PLXNA1: variants seen among roughly 807,000 people sequenced by gnomAD.
PLXNA1 encodes the protein plexin A1.
In PLXNA1, 77 loss-of-function variants were observed where a neutral mutation model predicts 191.7. That is an observed-to-expected ratio of 0.40 (90% CI 0.33 to 0.49). The LOEUF (loss-of-function observed/expected upper bound fraction) is 0.49. Ranked by LOEUF, PLXNA1 falls within the 20% of genes least tolerant of loss-of-function variation. The pLI, the probability that PLXNA1 is intolerant of heterozygous loss-of-function variation, is 0.63. For missense variants in PLXNA1, 2,110 were observed against 2,660.2 expected, an observed-to-expected ratio of 0.79 and a Z score of 4.55; for synonymous variants, 1,137 against 1,156.4, an observed-to-expected ratio of 0.98 and a Z score of 0.34.
At chr3:127,022,936 C>A in intron 23 of PLXNA1, 118 bp downstream of exon 23, 1 of 929,946 alleles carries the variant, frequency 1.1e-6, no homozygotes, top group South Asian at 1.5e-5. Flanking sequence ...GGGTCTTGGT[C>A]GAGTTCTGGC....
At position 127,036,912 on chromosome 3, in the gene PLXNA1, T is replaced by A. The variant is rs1175320162; in HGVS notation, c.*2895T>A. 1 of 152,350 alleles carries A rather than the reference T, an allele frequency of 6.6e-6. No individual in the cohort carries two copies. Among genetic ancestry groups the A allele is most frequent in the Non-Finnish European group, 1.5e-5 (1 of 68,114 alleles). The allele number at this position is 152,350 out of a possible 1,614,324, so 9.4% of individuals were successfully genotyped here. ...TCGGCCTGGGAGCCTGGCCTCTTGATATACCTCGAGCTTCCCCTGTGCTCC... is the reference window on the plus strand; with the variant it reads ...TCGGCCTGGGAGCCTGGCCTCTTGAAATACCTCGAGCTTCCCCTGTGCTCC... On this transcript the variant is annotated 3_prime_UTR_variant, in exon 32 of 32. Coordinates refer to ENST00000393409, the MANE Select transcript of PLXNA1 (RefSeq NM_032242.4).
chr3:127,005,224 G>A lies in PLXNA1; in HGVS notation c.1878G>A (p.Ala626=), dbSNP rs184131664. 8.1e-6 allele frequency: 13 copies of A among 1,608,956 alleles called. No homozygotes were observed. Among genetic ancestry groups the A allele is most frequent in the African/African-American group, 6.7e-5 (5 of 74,994 alleles). The part of the protein sequence containing the change: ...HCRSPSAREV[A]PITRGQGDQR... ...GCTCACCCTCCGCCCGGGAGGTGGC[G>A]CCCATCACGCGGGGCCAGGGTGAGT... Residue 626 remains alanine, a synonymous_variant, in exon 7 of 32, where the codon GCG becomes GCA. Coordinates refer to ENST00000393409, the MANE Select transcript of PLXNA1 (RefSeq NM_032242.4).
chr3:127,014,558 C>T lies in PLXNA1; in HGVS notation c.2685C>T (p.Asp895=), dbSNP rs149860040. ...AGAACCTGGGCCTGCGATTCGAAGA[C>T]GTGCGTCTGGGCGTGCGCGTGGGCA... The part of the protein sequence containing the change: ...TGENLGLRFE[D]VRLGVRVGKV... Residue 895 remains aspartate (D), a synonymous_variant, in exon 13 of 32, where the codon GAC becomes GAT. Coordinates refer to ENST00000393409, the MANE Select transcript of PLXNA1 (RefSeq NM_032242.4). 5.6e-5 allele frequency: 91 copies of T among 1,612,492 alleles called. No individual in the cohort carries two copies. Among genetic ancestry groups the T allele is most frequent in the Admixed American group, 6.7e-5 (4 of 60,028 alleles).
intron 3 of PLXNA1, 86 bp downstream of exon 3, chr3:126,991,652 G>T: frequency 5.9e-6 from 8 of 1,355,106 alleles, no homozygotes; most frequent in Non-Finnish European, 7.9e-6. Flanking sequence ...GCCCAGTGCT[G>T]CTGTATGCTG....
chr3:127,001,463 G>C (rs573310175), intron 3 of PLXNA1, among the ~76,000 whole-genome samples: 101 of 152,338 alleles, frequency 6.6e-4, no homozygotes, highest in Middle Eastern at 3.4e-3. Flanking sequence ...CATATCCCCT[G>C]GTGCTGGTAG....
chr3:127,029,479 A>G lies in PLXNA1; in HGVS notation c.4813A>G (p.Thr1605Ala), dbSNP rs755002084. Residue 1605 changes from threonine (T) to alanine (A), a missense_variant, in exon 27 of 32, where the codon ACG becomes GCG. Thr to Ala is a moderately conservative substitution (Grantham distance 58). This residue lies in a region of PLXNA1 where 559 missense variants were observed against 911.5 expected (regional missense o/e 0.61). Coordinates refer to ENST00000393409, the MANE Select transcript of PLXNA1 (RefSeq NM_032242.4). Reference protein sequence around the residue: ...GSSVALVPKQTSAYNISNSST... With the variant: ...GSSVALVPKQASAYNISNSST... ...CTCGGTGGCACTGGTGCCCAAGCAG[A>G]CGTCCGCCTACAACATCTCCAACTC... The G allele has an allele frequency of 6.2e-7, 1 of 1,613,878 alleles. No individual in the cohort carries two copies. Among genetic ancestry groups the G allele is most frequent in the South Asian group, 1.1e-5 (1 of 91,086 alleles).
In PLXNA1 at chr3:127,006,083, C is replaced by A. The variant is rs752051811; in HGVS notation, c.1902C>A (p.Asp634Glu). Residue 634 changes from aspartate (D) to glutamate (E), a missense_variant, in exon 8 of 32, where the codon GAC (aspartate) becomes GAA (glutamate). By Grantham distance (45) the Asp-to-Glu change is conservative. Around this residue, in one of 4 missense-constraint regions of PLXNA1, gnomAD observed 903 missense variants for 1,015.7 expected, o/e 0.89. Coordinates refer to ENST00000393409, the MANE Select transcript of PLXNA1 (RefSeq NM_032242.4). ...EVAPITRGQG[D>E]QRVVKLYLKS... ...TCAGCCATGCTGCTCGTGCAGGAGA[C>A]CAGCGGGTGGTGAAACTCTACCTAA... The A allele has an allele frequency of 6.2e-7, 1 of 1,612,832 alleles. No homozygotes were observed. Among genetic ancestry groups the A allele is most frequent in the Non-Finnish European group, 8.5e-7 (1 of 1,179,202 alleles).
intron 25 of PLXNA1, 129 bp downstream of exon 25, chr3:127,028,469 G>C: frequency 4.6e-6 from 5 of 1,078,012 alleles, no homozygotes; most frequent in Non-Finnish European, 6.5e-6. Flanking sequence ...GAGGGCAGTG[G>C]AATGGCGAGT....
chr3:127,006,950 G>A (rs1374573009), intron 8 of PLXNA1, among the ~76,000 whole-genome samples: 3 of 152,246 alleles, frequency 2.0e-5, no homozygotes, highest in Non-Finnish European at 2.9e-5. Flanking sequence ...CAGGAGGTGC[G>A]TGGCTTTTCA....
intron 25 of PLXNA1, chr3:127,028,681 C>A (rs1417368155): frequency 1.5e-5 from 8 of 524,888 alleles, no homozygotes; most frequent in Non-Finnish European, 3.4e-6. Flanking sequence ...GCCCGGAGTC[C>A]TGCTGCAGAT....
intron 23 of PLXNA1, among the ~76,000 whole-genome samples, chr3:127,024,895 T>G (rs2107636361): frequency 6.6e-6 from 1 of 152,294 alleles, no homozygotes; most frequent in South Asian, 2.1e-4. Context: ...TTTGTTTTTG[T>G]CTTTTTTAAG....
chr3:127,004,769 G>C, intron 5 of PLXNA1, 58 bp downstream of exon 5: 1 of 1,589,602 alleles, frequency 6.3e-7, no homozygotes, highest in Non-Finnish European at 8.6e-7. Flanking sequence ...TCTCACAGTG[G>C]GGGAGGGGGA....
intron 7 of PLXNA1, among the ~76,000 whole-genome samples, chr3:127,005,513 A>G (rs1342574451): frequency 1.3e-5 from 2 of 152,202 alleles, no homozygotes; most frequent in Non-Finnish European, 2.9e-5. Flanking sequence ...CCATACATTT[A>G]CAGTAGGAAT....
intron 3 of PLXNA1, among the ~76,000 whole-genome samples, chr3:127,000,378 C>T (rs1288851878): frequency 2.0e-5 from 3 of 152,096 alleles, no homozygotes; most frequent in Admixed American, 1.3e-4. Context: ...TGCCTCCAGG[C>T]GGGTGGCCCG....
chr3:127,020,454 G>C (rs957502490), intron 21 of PLXNA1, 110 bp downstream of exon 21: 7 of 1,365,974 alleles, frequency 5.1e-6, no homozygotes, highest in South Asian at 4.1e-5. Context: ...TGTGTGGCCT[G>C]GGGGAGGGTC....
chr3:127,002,958 G>GC (rs1237365182), intron 3 of PLXNA1, among the ~76,000 whole-genome samples: 1 of 152,122 alleles, frequency 6.6e-6, no homozygotes, highest in Non-Finnish European at 1.5e-5. Context: ...GCCCAGCCTG[G>GC]CCCCAGGGAT....
intron 10 of PLXNA1, 53 bp downstream of exon 10, chr3:127,012,211 T>G (rs1223768880): frequency 1.3e-5 from 20 of 1,559,214 alleles, no homozygotes; most frequent in African/African-American, 4.1e-5. Flanking sequence ...GGGCCGGTTA[T>G]CCTCACGGCC....
chr3:127,029,461 G>C lies in PLXNA1; in HGVS notation c.4795G>C (p.Ala1599Pro). The change falls in exon 27 of 32, where the codon GCA becomes CCA. Residue 1599 changes from alanine to proline, a missense_variant. Coordinates refer to ENST00000393409, the MANE Select transcript of PLXNA1 (RefSeq NM_032242.4). Reference sequence around the variant, plus strand: ...ACAGGTGACAGACGGGTCCTCGGTGGCACTGGTGCCCAAGCAGACGTCCGC... The same window carrying C: ...ACAGGTGACAGACGGGTCCTCGGTGCCACTGGTGCCCAAGCAGACGTCCGC... ...HYQVTDGSSVALVPKQTSAYN... is the reference protein window; with the variant it reads ...HYQVTDGSSVPLVPKQTSAYN... 6.2e-7 allele frequency: 1 copy of C among 1,613,884 alleles called. No individual in the cohort carries two copies. Among genetic ancestry groups the C allele is most frequent in the Non-Finnish European group, 8.5e-7 (1 of 1,179,960 alleles).
In PLXNA1 at chr3:127,014,836, G is replaced by C. The variant is rs780106558; in HGVS notation, c.2877+5G>C. On this transcript the variant is annotated splice_donor_5th_base_variant and intron_variant, in intron 14 of 31. Coordinates refer to ENST00000393409, the MANE Select transcript of PLXNA1 (RefSeq NM_032242.4). ...CCCAAGCGCTTCACCTTCGTGGTGA[G>C]TCTGCTGCCCTCCCTCTCTCCCTAT... 1 of 1,610,784 alleles carries C rather than the reference G, an allele frequency of 6.2e-7. No homozygotes were observed.
Sources: allele counts gnomAD v4.1 joint callset (sites outside exome capture counted in the v4.1 genomes callset), GRCh38; gene constraint gnomAD v4.1.1; regional missense constraint gnomAD v4.1.1; transcripts MANE v1.5; gene names NCBI Gene and HGNC (gene_info 2026-07-23, HGNC 2026-07-21).